Variants in CYP39A1 observed in about 807,000 individuals in gnomAD.
CYP39A1 encodes the protein cytochrome P450 family 39 subfamily A member 1, also known as 24-hydroxycholesterol 7-alpha-hydroxylase.
Under a neutral mutation model 58.1 loss-of-function variants are expected in CYP39A1, and 49 were observed. That is an observed-to-expected ratio of 0.84 (90% confidence interval 0.67 to 1.07). The LOEUF is 1.07. Ranked by LOEUF, CYP39A1 falls within the 50% of genes least tolerant of loss-of-function variation. The pLI is 0.00. For missense variants in CYP39A1, 531 were observed against 539.4 expected (o/e 0.98, Z 0.16); for synonymous variants, 209 against 187.6 (o/e 1.11, Z -0.93).
In CYP39A1 at chr6:46,586,145, A is replaced by G. The variant is rs903428308; in HGVS notation, c.1250+932T>C. 3.5e-6 allele frequency: 3 copies of G among 845,496 alleles called. No individual in the cohort carries two copies. In the Admixed American group the frequency reaches 1.9e-4, roughly 53 times the overall value. 52.4% of individuals were successfully genotyped at this position (845,496 alleles called of 1,614,324 possible). A position where few individuals can be genotyped will look rare whatever the true frequency, so the allele number is the denominator to read the frequency against. On this transcript the variant is annotated intron_variant, in intron 10 of 11. Coordinates refer to ENST00000275016, the MANE Select transcript of CYP39A1 (RefSeq NM_016593.5). ...GGGAAGCGTAAATTACCAAAATCAT[A>G]CTAATACTCTAAACACATGAAGAAC... is the stretch of plus-strand genomic sequence containing the variant.
chr6:46,625,900 T>C (rs541545962), intron 6 of CYP39A1, among the ~76,000 whole-genome samples: 1 of 152,084 alleles, frequency 6.6e-6, no homozygotes, highest in Non-Finnish European at 1.5e-5. Flanking sequence ...AAACATTTCT[T>C]AAGATTTAAT....
At chr6:46,650,290 G>A (rs1314087222) in intron 1 of CYP39A1, among the ~76,000 whole-genome samples, 2 of 151,838 alleles carry the variant, frequency 1.3e-5, no homozygotes, top group African/African-American at 4.8e-5. Flanking sequence ...TTTCATTGTG[G>A]TTAGGGGGTA....
chr6:46,572,637 G>T (rs1036018572), intron 10 of CYP39A1, among the ~76,000 whole-genome samples: 2 of 152,094 alleles, frequency 1.3e-5, no homozygotes, highest in African/African-American at 4.8e-5. Flanking sequence ...AGGTGTCATG[G>T]TGAAGTTCTC....
chr6:46,553,099 A>G (rs1770495602), intron 11 of CYP39A1, among the ~76,000 whole-genome samples: 1 of 150,968 alleles, frequency 6.6e-6, no homozygotes, highest in Admixed American at 6.6e-5. Context: ...AAAAAAGGAA[A>G]GAAATGCAAT....
In CYP39A1 at chr6:46,652,457, T is replaced by A; in HGVS notation, c.126A>T (p.Gly42=). Residue 42 remains glycine, a synonymous_variant, in exon 1 of 12, where the codon GGA becomes GGT. Coordinates refer to ENST00000275016, the MANE Select transcript of CYP39A1 (RefSeq NM_016593.5). Reference sequence around the variant, plus strand: ...CTAGAGGGGCTTTCCCAAACTCAAATCCAACTCCAATCCAAGGAATCCAGC... The same window carrying A: ...CTAGAGGGGCTTTCCCAAACTCAAAACCAACTCCAATCCAAGGAATCCAGC... The part of the protein sequence containing the change: ...IKGWIPWIGV[G]FEFGKAPLEF... The A allele has an allele frequency of 6.2e-7, 1 of 1,613,872 alleles. No homozygotes were observed. The highest frequency in any genetic ancestry group is 8.5e-7 in the Non-Finnish European group (1 of 1,179,938).
Position 46,587,132 on chromosome 6 carries a change from A to C in CYP39A1, c.1195T>G (p.Ser399Ala). The change falls in exon 10 of 12, where the codon TCT (serine) becomes GCT (alanine). Residue 399 changes from serine to alanine, a missense_variant. Transcript: ENST00000275016. ...AATGCCATGAAGCAGTCCAAGAAAG[A>C]GTGCTTCTCTAAATTTGCCTTTTTC... ...RWKKANLEKH[S>A]FLDCFMAFGS... 6.2e-7 allele frequency: 1 copy of C among 1,611,912 alleles called. No homozygotes were observed. Among genetic ancestry groups the C allele is most frequent in the Non-Finnish European group, 8.5e-7 (1 of 1,179,050 alleles).
In CYP39A1 at chr6:46,652,665, C is replaced by G; in HGVS notation, c.-83G>C. The G allele has an allele frequency of 1.5e-6, 2 of 1,320,266 alleles. No individual in the cohort carries two copies. The highest frequency in any genetic ancestry group is 2.6e-5 in the East Asian group (1 of 39,020). 81.8% of individuals were successfully genotyped at this position (1,320,266 alleles called of 1,614,324 possible). On this transcript the variant is annotated 5_prime_UTR_variant, in exon 1 of 12. Coordinates refer to ENST00000275016, the MANE Select transcript of CYP39A1 (RefSeq NM_016593.5). ...GCTTCTTTTCTGTGGGCTACGGAAC[C>G]TGTCGGGACTCCCAACCTTTCTGCT...
intron 7 of CYP39A1, among the ~76,000 whole-genome samples, chr6:46,620,668 TG>T (rs34662353): frequency 0.19 from 29,007 of 152,044 alleles, 2,969 homozygotes; most frequent in African/African-American, 0.27. Context: ...CTTGAGGCTC[TG>T]GCACAGGTAG....
At chr6:46,615,546 T>C (rs532503751) in intron 7 of CYP39A1, among the ~76,000 whole-genome samples, 1 of 152,280 alleles carries the variant, frequency 6.6e-6, no homozygotes, top group East Asian at 1.9e-4. Flanking sequence ...TTCTGAATGG[T>C]AGTCATATTT....
intron 7 of CYP39A1, among the ~76,000 whole-genome samples, chr6:46,616,130 T>C (rs1774535815): frequency 7.7e-3 from 1 of 130 alleles, no homozygotes; most frequent in African/African-American, 0.045. Flanking sequence ...TTTTCTTTCT[T>C]TCTTTCTTTC....
chr6:46,631,136 G>C (rs1775635337), intron 5 of CYP39A1, 66 bp from the exon 6 acceptor site: 8 of 1,218,874 alleles, frequency 6.6e-6, no homozygotes, highest in Non-Finnish European at 9.6e-6. Context: ...TAATAAACAA[G>C]AGATCATGCC....
intron 7 of CYP39A1, among the ~76,000 whole-genome samples, chr6:46,611,369 T>C (rs892854605): frequency 6.6e-6 from 1 of 152,196 alleles, no homozygotes; most frequent in Admixed American, 6.5e-5. Flanking sequence ...GCGAAAGATA[T>C]GAAGGACTGA....
At chr6:46,604,724 A>G (rs1773731949) in intron 7 of CYP39A1, among the ~76,000 whole-genome samples, 2 of 152,148 alleles carry the variant, frequency 1.3e-5, no homozygotes, top group African/African-American at 2.4e-5. Flanking sequence ...TATGGCACCC[A>G]TTTTTCATAA....
intron 10 of CYP39A1, among the ~76,000 whole-genome samples, chr6:46,560,431 T>C (rs1247615734): frequency 6.6e-5 from 10 of 152,158 alleles, no homozygotes; most frequent in Admixed American, 6.5e-4. Flanking sequence ...ATGTGAAGAA[T>C]ATAAAGGAAT....
intron 10 of CYP39A1, among the ~76,000 whole-genome samples, chr6:46,572,707 C>CGGGAAATGT (rs1286314332): frequency 6.6e-6 from 1 of 152,118 alleles, no homozygotes; most frequent in Non-Finnish European, 1.5e-5. Flanking sequence ...CCATATCTCT[C>CGGGAAATGT]TCAGGGTTCG....
chr6:46,581,596 A>C (rs1772136147), intron 10 of CYP39A1, among the ~76,000 whole-genome samples: 1 of 152,168 alleles, frequency 6.6e-6, no homozygotes, highest in African/African-American at 2.4e-5. Context: ...GTTCTCACTT[A>C]CAAGTGGGAG....
intron 10 of CYP39A1, among the ~76,000 whole-genome samples, chr6:46,560,271 T>C (rs981279564): frequency 2.2e-4 from 33 of 151,862 alleles, no homozygotes; most frequent in Admixed American, 7.2e-4. Flanking sequence ...TAGGGTGAGA[T>C]GAATGGAAGC....
At chr6:46,602,536 G>A (rs1773573168) in intron 7 of CYP39A1, among the ~76,000 whole-genome samples, 1 of 151,598 alleles carries the variant, frequency 6.6e-6, no homozygotes, top group South Asian at 2.1e-4. Flanking sequence ...TGCTGGACTG[G>A]GCGTGGTAGC....
At position 46,596,038 on chromosome 6, in the gene CYP39A1, T is replaced by C. The variant is rs1352991086; in HGVS notation, c.1014A>G (p.Leu338=). The part of the protein sequence containing the change: ...IKWCVLETIR[L]KAPGVITRKV... ...TTCTAGTAATGACACCAGGAGCTTT[T>C]AAACGAATGGTTTCCAAAACACACC... The change falls in exon 8 of 12, where the codon TTA becomes TTG. Residue 338 remains leucine, a synonymous_variant. Transcript: ENST00000275016. 25 of 1,612,064 alleles carry C rather than the reference T, an allele frequency of 1.6e-5. No individual in the cohort carries two copies. Among genetic ancestry groups the C allele is most frequent in the Non-Finnish European group, 2.1e-5 (25 of 1,178,928 alleles).
Sources: allele counts gnomAD v4.1 joint callset (sites outside exome capture counted in the v4.1 genomes callset), GRCh38; gene constraint gnomAD v4.1.1; transcripts MANE v1.5; gene names NCBI Gene and HGNC (gene_info 2026-07-23, HGNC 2026-07-21).